PHACTR3: variants seen among roughly 807,000 people sequenced by gnomAD.
The protein encoded by PHACTR3 is phosphatase and actin regulator 3.
In PHACTR3, 16 loss-of-function variants were observed where a neutral mutation model predicts 66.8. That is an observed-to-expected ratio of 0.24 (90% CI 0.16 to 0.36). PHACTR3 has a LOEUF of 0.36. Among genes scored for constraint, PHACTR3 ranks in the 10% least tolerant of loss-of-function variants. PHACTR3 has a pLI of 1.00. For missense variants in PHACTR3, 647 were observed against 719.9 expected (o/e 0.90, Z 1.16); for synonymous variants, 323 against 292.1 (o/e 1.11, Z -1.08).
chr20:59,774,199 G>T (rs569336772), intron 6 of PHACTR3, 44 bp from the exon 7 acceptor site: 2 of 1,524,832 alleles, frequency 1.3e-6, no homozygotes, highest in Non-Finnish European at 8.8e-7. Flanking sequence ...TGGGTTTCTG[G>T]GTGAAGGGGG....
Position 59,687,055 on chromosome 20 carries a change from G to A in PHACTR3, c.119-56052G>A, listed in dbSNP as rs551604300. 2.7e-5 allele frequency among the ~76,000 whole-genome samples: 4 copies of A among 150,606 alleles called. No homozygotes were observed. The South Asian group carries it at 8.6e-4, about 32-fold the overall frequency. On this transcript the variant is annotated intron_variant, in intron 1 of 12. Coordinates refer to ENST00000371015, the MANE Select transcript of PHACTR3 (RefSeq NM_080672.5). ...GGTGGTGATGATGATGGTGGTGATTGTGATGATGGTGGTGATGATGATCAT... is the reference window on the plus strand; with the variant it reads ...GGTGGTGATGATGATGGTGGTGATTATGATGATGGTGGTGATGATGATCAT...
chr20:59,739,838 G>C (rs755378329), intron 1 of PHACTR3, among the ~76,000 whole-genome samples: 8 of 152,000 alleles, frequency 5.3e-5, no homozygotes, highest in Non-Finnish European at 8.8e-5. Flanking sequence ...CCATCCTTCT[G>C]TGTTCTGCTT....
In PHACTR3 at chr20:59,829,737, G is replaced by A. The variant is rs2042296695; in HGVS notation, c.1329-6768G>A. Among the ~76,000 whole-genome samples, 1 of 152,228 alleles carries A rather than the reference G, an allele frequency of 6.6e-6. No homozygotes were observed. Among genetic ancestry groups the A allele is most frequent in the Non-Finnish European group, 1.5e-5 (1 of 68,042 alleles). On this transcript the variant is annotated intron_variant, in intron 8 of 12. Transcript: ENST00000371015. This position sits in a 1 kb window ranked among gnomAD's most constrained non-coding sequence, Gnocchi z 4.2. ...AGCCCGGGCGTCCCCTGTGGGTGTC[G>A]AGCTGTCTGTTCTCTCTAGGAAGGC...
intron 1 of PHACTR3, among the ~76,000 whole-genome samples, chr20:59,677,180 C>T (rs997177180): frequency 1.3e-5 from 2 of 152,114 alleles, no homozygotes; most frequent in African/African-American, 2.4e-5. Flanking sequence ...CATTGATGTG[C>T]GTTTTGACTG....
At chr20:59,606,627 A>T (rs2033679868) in intron 1 of PHACTR3, among the ~76,000 whole-genome samples, 1 of 152,234 alleles carries the variant, frequency 6.6e-6, no homozygotes, top group African/African-American at 2.4e-5. Context: ...GCTTCTCATG[A>T]GAATCCTTCT....
chr20:59,658,899 T>C (rs527385779), intron 1 of PHACTR3, among the ~76,000 whole-genome samples: 2 of 152,274 alleles, frequency 1.3e-5, no homozygotes, highest in African/African-American at 4.8e-5. Context: ...ACAATTTAGC[T>C]TGTTGCCATC....
chr20:59,812,852 C>G (rs915319298), intron 8 of PHACTR3, among the ~76,000 whole-genome samples: 2 of 152,122 alleles, frequency 1.3e-5, no homozygotes, highest in African/African-American at 4.8e-5. Flanking sequence ...TGATGCCGAG[C>G]AGGGACCATC....
At chr20:59,804,279 A>G (rs192572501) in intron 7 of PHACTR3, among the ~76,000 whole-genome samples, 1 of 152,334 alleles carries the variant, frequency 6.6e-6, no homozygotes, top group Non-Finnish European at 1.5e-5. Flanking sequence ...GTTTTCATTT[A>G]TGTCTAGAAA....
At chr20:59,822,042 T>TCCCACCCCTTCCCCAGCAATCCCAC (rs2042052730) in intron 8 of PHACTR3, among the ~76,000 whole-genome samples, 1 of 57,246 alleles carries the variant, frequency 1.7e-5, no homozygotes, top group Admixed American at 2.4e-4. Context: ...TCCCCAGCGA[T>TCCCACCCCTTCCCCAGCAATCCCAC]CCCACCCCTT....
chr20:59,727,988 T>C (rs1476838342), intron 1 of PHACTR3, among the ~76,000 whole-genome samples: 1 of 152,186 alleles, frequency 6.6e-6, no homozygotes, highest in African/African-American at 2.4e-5. Flanking sequence ...ACCCAATGGA[T>C]AGGGGATTTT....
At chr20:59,675,877 A>T (rs1271133451) in intron 1 of PHACTR3, among the ~76,000 whole-genome samples, 1 of 152,242 alleles carries the variant, frequency 6.6e-6, no homozygotes, top group South Asian at 2.1e-4. Flanking sequence ...ACATACCTGC[A>T]GCAGCAGGTG....
intron 1 of PHACTR3, among the ~76,000 whole-genome samples, chr20:59,695,734 A>AT (rs11480385): frequency 0.34 from 50,634 of 147,068 alleles, 9,471 homozygotes; most frequent in East Asian, 0.61. Context: ...GAAGTTGTCT[A>AT]TTTTTTTTTT....
intron 1 of PHACTR3, among the ~76,000 whole-genome samples, chr20:59,644,417 C>T (rs1195709842): frequency 6.6e-6 from 1 of 152,218 alleles, no homozygotes; most frequent in Non-Finnish European, 1.5e-5. Context: ...TCAGTTTCAA[C>T]ACTATCTTCG....
At chr20:59,688,699 T>C (rs547081365) in intron 1 of PHACTR3, among the ~76,000 whole-genome samples, 2 of 152,312 alleles carry the variant, frequency 1.3e-5, no homozygotes, top group East Asian at 1.9e-4. Context: ...TTTTCTTAAC[T>C]GCAGTTACAT....
At chr20:59,776,896 C>T (rs1277848391) in intron 7 of PHACTR3, among the ~76,000 whole-genome samples, 1 of 152,196 alleles carries the variant, frequency 6.6e-6, no homozygotes, top group African/African-American at 2.4e-5. Flanking sequence ...CACAGGGACG[C>T]CTCCTGCTCA....
intron 1 of PHACTR3, among the ~76,000 whole-genome samples, chr20:59,695,779 C>G (rs955417781): frequency 2.0e-5 from 3 of 151,712 alleles, no homozygotes; most frequent in African/African-American, 7.3e-5. Flanking sequence ...GTTGCCCAGG[C>G]TGGAGTGCAG....
chr20:59,719,550 T>C (rs1277471346), intron 1 of PHACTR3, among the ~76,000 whole-genome samples: 2 of 152,216 alleles, frequency 1.3e-5, no homozygotes, highest in East Asian at 1.9e-4. Context: ...AGGGTTGTTG[T>C]GCTTTCAGCC....
chr20:59,841,518 C>T lies in PHACTR3; in HGVS notation c.1570C>T (p.Leu524=), dbSNP rs1380102878. 6.2e-7 allele frequency: 1 copy of T among 1,613,200 alleles called. No individual in the cohort carries two copies. The change falls in exon 11 of 13, where the codon CTG becomes TTG. Residue 524 remains leucine (L), a synonymous_variant. Coordinates refer to ENST00000371015, the MANE Select transcript of PHACTR3 (RefSeq NM_080672.5). ...GAGGGCAGACAAACCCTGGACGAGACTGTCAGCAGCAGATAAGGTACCTAA... is the reference window on the plus strand; with the variant it reads ...GAGGGCAGACAAACCCTGGACGAGATTGTCAGCAGCAGATAAGGTACCTAA... The part of the protein sequence containing the change: ...DRRADKPWTR[L]SAADKAAIRK...
chr20:59,801,318 C>G (rs1044068046), intron 7 of PHACTR3, among the ~76,000 whole-genome samples: 1 of 152,240 alleles, frequency 6.6e-6, no homozygotes, highest in African/African-American at 2.4e-5. Context: ...TCAAGAATCA[C>G]TGTCTTCTGT....
Sources: gnomAD v4.1 joint callset for allele counts (sites outside exome capture counted in the v4.1 genomes callset) on GRCh38, gnomAD v4.1.1 for gene constraint, Gnocchi (gnomAD v3.1) non-coding constraint, MANE v1.5 for transcripts, NCBI Gene and HGNC (gene_info 2026-07-23, HGNC 2026-07-21) for gene names.